Variants in SEC16B observed in about 807,000 individuals in gnomAD.
The protein encoded by SEC16B is protein transport protein Sec16B.
In SEC16B, 115 loss-of-function variants were observed where a neutral mutation model predicts 141.8. The observed-to-expected ratio is 0.81, with a 90% confidence interval of 0.70 to 0.95. SEC16B has a LOEUF of 0.95. Among genes scored for constraint, SEC16B ranks in the 40% least tolerant of loss-of-function variants. The pLI is 0.00. For synonymous variants in SEC16B, 493 were observed against 492.5 expected (o/e 1.00, Z -0.01); for missense variants, 1,291 against 1,312.3 (o/e 0.98, Z 0.25).
chr1:177,962,990 C>T (rs1230864764), intron 5 of SEC16B, among the ~76,000 whole-genome samples: 1 of 151,672 alleles, frequency 6.6e-6, no homozygotes, highest in Admixed American at 6.6e-5. Context: ...CACCTGTAGT[C>T]CCAGCTACTA....
At chr1:177,964,437 A>G (rs960514355) in intron 4 of SEC16B, among the ~76,000 whole-genome samples, 158 bp from the exon 5 acceptor site, 1 of 152,194 alleles carries the variant, frequency 6.6e-6, no homozygotes, top group African/African-American at 2.4e-5. Flanking sequence ...CACCACCTCA[A>G]TCTACTAATC....
At chr1:177,970,286 G>T (rs1274743397), upstream of SEC16B, 1 of 152,254 alleles carries the variant, frequency 6.6e-6, no homozygotes, top group Non-Finnish European at 1.5e-5. Context: ...GGCGAGAAAA[G>T]CACCACCTTT....
At chr1:177,964,091 G>C in intron 5 of SEC16B, 80 bp downstream of exon 5, 1 of 986,688 alleles carries the variant, frequency 1.0e-6, no homozygotes, top group Non-Finnish European at 1.5e-6. Context: ...CCATCCCCAA[G>C]GGCCCTGTTC....
upstream of SEC16B, among the ~76,000 whole-genome samples, chr1:177,972,398 T>C (rs1653997520): frequency 6.6e-6 from 1 of 152,156 alleles, no homozygotes. Context: ...TAAACCAAAT[T>C]GACCCAGTTT....
chr1:177,929,768 C>T lies in SEC16B; in HGVS notation c.*90G>A, dbSNP rs1557963092. 1.4e-6 allele frequency: 2 copies of T among 1,435,832 alleles called. No individual in the cohort carries two copies. Among genetic ancestry groups the T allele is most frequent in the South Asian group, 2.4e-5 (2 of 82,378 alleles). 88.9% of individuals were successfully genotyped at this position (1,435,832 alleles called of 1,614,324 possible). A position where few individuals can be genotyped will look rare whatever the true frequency, so the allele number is the denominator to read the frequency against. On this transcript the variant is annotated 3_prime_UTR_variant, in exon 26 of 26. Transcript: ENST00000308284. ...GGCTAGCACAAACCTCTTGAGGGTC[C>T]CAATATGGTAGAGAGGGGCTGGGAG...
At position 177,946,461 on chromosome 1, in the gene SEC16B, G is replaced by C. The variant is rs764883793; in HGVS notation, c.1734C>G (p.Thr578=). Residue 578 remains threonine (T), a synonymous_variant, in exon 14 of 26, where the codon ACC becomes ACG. Transcript: ENST00000308284. ...LMAHVPFGHY[T]VKTDHLVLLG... ...GCAAGACCAGATGGTCTGTCTTCAC[G>C]GTGTAGTGGCCAAAGGGCACGTGAG... 1 of 1,582,840 alleles carries C rather than the reference G, an allele frequency of 6.3e-7. No individual in the cohort carries two copies. Among genetic ancestry groups the C allele is most frequent in the South Asian group, 1.2e-5 (1 of 86,106 alleles).
upstream of SEC16B, among the ~76,000 whole-genome samples, chr1:177,972,266 T>C (rs114979423): frequency 0.012 from 1,886 of 152,334 alleles, 40 homozygotes; most frequent in African/African-American, 0.042. Context: ...CAAAATTAAC[T>C]AGATTGTGAT....
chr1:177,966,195 C>T (rs1452422868), intron 2 of SEC16B, among the ~76,000 whole-genome samples, 190 bp from the exon 3 acceptor site: 1 of 152,158 alleles, frequency 6.6e-6, no homozygotes, highest in Non-Finnish European at 1.5e-5. Flanking sequence ...CTTTGTTGCA[C>T]AACAGGAGTA....
At chr1:177,948,420 C>G (rs1292176672) in intron 12 of SEC16B, 1 of 1,304,358 alleles carries the variant, frequency 7.7e-7, no homozygotes, top group Admixed American at 2.3e-5. Flanking sequence ...CTCTACAAAG[C>G]CCATTCACAC....
Position 177,960,343 on chromosome 1 carries a change from T to A in SEC16B, c.997A>T (p.Arg333Trp). ...TCAGCAGCTCTTACAGCACTATACCTAATCAAGGGTCCTGAGAAACTTCTC... is the reference window on the plus strand; with the variant it reads ...TCAGCAGCTCTTACAGCACTATACCAAATCAAGGGTCCTGAGAAACTTCTC... ...EMRSFSGPLI[R>W]EDVHKVDIMT... Residue 333 changes from arginine (R) to tryptophan (W), a missense_variant and splice_region_variant, in exon 8 of 26, where the codon AGG becomes TGG. Arg to Trp is a moderately radical substitution (Grantham distance 101). This residue lies in a region of SEC16B where 681 missense variants were observed against 675.5 expected (regional missense o/e 1.01). Transcript: ENST00000308284. The A allele has an allele frequency of 6.3e-7, 1 of 1,594,926 alleles. No individual in the cohort carries two copies. The highest frequency in any genetic ancestry group is 8.6e-7 in the Non-Finnish European group (1 of 1,164,832).
intron 1 of SEC16B, among the ~76,000 whole-genome samples, chr1:177,981,391 G>T (rs2102032785): frequency 6.6e-6 from 1 of 151,992 alleles, no homozygotes; most frequent in Non-Finnish European, 1.5e-5. Context: ...ATTCCAAAAA[G>T]CAGGCACCCG....
At position 177,961,820 on chromosome 1, in the gene SEC16B, C is replaced by T. The variant is rs12060084; in HGVS notation, c.643-86G>A. On this transcript the variant is annotated intron_variant, in intron 5 of 25. Coordinates refer to ENST00000308284, the MANE Select transcript of SEC16B (RefSeq NM_033127.4). Reference sequence around the variant, plus strand: ...TTCCTTCAAAGAAACAAAATACATACGGTGAAAGTGGATGTGTTGAAAGGA... The same window carrying T: ...TTCCTTCAAAGAAACAAAATACATATGGTGAAAGTGGATGTGTTGAAAGGA... 1.5e-3 allele frequency: 1,868 copies of T among 1,215,718 alleles called. 24 individuals carry two copies. The African/African-American group carries it at 0.024, about 16-fold the overall frequency. The allele number at this position is 1,215,718 out of a possible 1,614,324, so 75.3% of individuals were successfully genotyped here.
intron 14 of SEC16B, among the ~76,000 whole-genome samples, chr1:177,945,021 G>A (rs953207546): frequency 6.6e-6 from 1 of 152,180 alleles, no homozygotes; most frequent in Non-Finnish European, 1.5e-5. Context: ...ACAGAGAGCT[G>A]GCCCCCATGC....
At chr1:177,970,331 T>C (rs1653880732), upstream of SEC16B, 1 of 152,256 alleles carries the variant, frequency 6.6e-6, no homozygotes, top group Non-Finnish European at 1.5e-5. Flanking sequence ...ACTAGCTGGT[T>C]CTGTTACTTA....
chr1:177,969,632 C>T (rs564067748), intron 1 of SEC16B, among the ~76,000 whole-genome samples: 20 of 152,330 alleles, frequency 1.3e-4, no homozygotes, highest in Non-Finnish European at 2.1e-4. Flanking sequence ...AATCTTTCCA[C>T]TGAAATCACA....
intron 16 of SEC16B, 115 bp from the exon 17 acceptor site, chr1:177,940,829 G>C: frequency 3.3e-6 from 2 of 603,106 alleles, no homozygotes; most frequent in Non-Finnish European, 5.7e-6. Context: ...GAGAAAGAGA[G>C]CCTTAACTAA....
chr1:177,938,162 C>T (rs567949627), intron 18 of SEC16B, among the ~76,000 whole-genome samples: 1 of 152,160 alleles, frequency 6.6e-6, no homozygotes, highest in Non-Finnish European at 1.5e-5. Flanking sequence ...AATGAGCCTC[C>T]GTTCCATCAG....
At chr1:177,952,439 T>C (rs1009583506) in intron 11 of SEC16B, among the ~76,000 whole-genome samples, 1 of 152,142 alleles carries the variant, frequency 6.6e-6, no homozygotes, top group African/African-American at 2.4e-5. Flanking sequence ...CTCAGTGCCG[T>C]TTTTCTGGCT....
chr1:177,937,213 C>T lies in SEC16B; in HGVS notation c.2503+1G>A. ...TGGCCACCCTAGCGGCCAGGTCTTACCAGGGCCCAGGTGTGTCTGCAGCAT... is the reference window on the plus strand; with the variant it reads ...TGGCCACCCTAGCGGCCAGGTCTTATCAGGGCCCAGGTGTGTCTGCAGCAT... On this transcript the variant is annotated splice_donor_variant, in intron 19 of 25. Coordinates refer to ENST00000308284, the MANE Select transcript of SEC16B (RefSeq NM_033127.4). LOFTEE classifies it high-confidence loss of function. 6.2e-7 allele frequency: 1 copy of T among 1,607,754 alleles called. No individual in the cohort carries two copies.
Sources: allele counts gnomAD v4.1 joint callset (sites outside exome capture counted in the v4.1 genomes callset), GRCh38; gene constraint gnomAD v4.1.1; regional missense constraint gnomAD v4.1.1; transcripts MANE v1.5; gene names NCBI Gene and HGNC (gene_info 2026-07-23, HGNC 2026-07-21).